PPM1H: variants seen among roughly 807,000 people sequenced by gnomAD.
PPM1H encodes the protein protein phosphatase, Mg2+/Mn2+ dependent 1H.
A neutral mutation model predicts 54.9 loss-of-function variants in PPM1H; 27 were observed. That is an observed-to-expected ratio of 0.49 (90% CI 0.36 to 0.68). PPM1H has a LOEUF of 0.68. PPM1H is among the 30% of genes least tolerant of loss of function. The pLI, the probability that PPM1H is intolerant of heterozygous loss-of-function variation, is 0.00. For synonymous variants in PPM1H, 305 were observed against 270.8 expected (o/e 1.13, Z -1.24); for missense variants, 596 against 667.8 (o/e 0.89, Z 1.19).
intron 1 of PPM1H, among the ~76,000 whole-genome samples, chr12:62,886,262 C>G (rs767756469): frequency 3.9e-5 from 6 of 152,188 alleles, no homozygotes; most frequent in Non-Finnish European, 8.8e-5. Flanking sequence ...CACACACAGT[C>G]TCTATATAAC....
chr12:62,675,129 A>G (rs939284216), intron 8 of PPM1H, among the ~76,000 whole-genome samples: 2 of 152,250 alleles, frequency 1.3e-5, no homozygotes, highest in Non-Finnish European at 2.9e-5. Context: ...GTATAAATTT[A>G]TACTTGAAAT....
At chr12:62,811,777 C>A (rs1185841555) in intron 2 of PPM1H, among the ~76,000 whole-genome samples, 1 of 152,184 alleles carries the variant, frequency 6.6e-6, no homozygotes, top group Non-Finnish European at 1.5e-5. Context: ...TCCCCTTCCA[C>A]CGTGATTGTA....
intron 4 of PPM1H, chr12:62,756,288 C>A: frequency 3.2e-6 from 2 of 626,212 alleles, no homozygotes; most frequent in South Asian, 1.5e-5. Flanking sequence ...GAGGCCCTCA[C>A]TGCTGGGAAG....
At chr12:62,687,841 T>C (rs972266545) in intron 8 of PPM1H, among the ~76,000 whole-genome samples, 3 of 151,758 alleles carry the variant, frequency 2.0e-5, no homozygotes, top group Non-Finnish European at 4.4e-5. Flanking sequence ...AAACCCTGTC[T>C]CCACTAAAAA....
chr12:62,677,771 T>C (rs73127919), intron 8 of PPM1H, among the ~76,000 whole-genome samples: 5,948 of 152,236 alleles, frequency 0.039, 209 homozygotes, highest in Non-Finnish European at 0.056. Context: ...CCAGCCACAG[T>C]GGTTTCCGGC....
chr12:62,717,971 C>G (rs1336547928), intron 6 of PPM1H, among the ~76,000 whole-genome samples: 1 of 152,226 alleles, frequency 6.6e-6, no homozygotes, highest in Non-Finnish European at 1.5e-5. Flanking sequence ...GTTTTGACTA[C>G]TTTAGATCTA....
intron 1 of PPM1H, among the ~76,000 whole-genome samples, chr12:62,838,338 T>TGTA (rs375217752): frequency 1.1e-5 from 1 of 93,282 alleles, no homozygotes; most frequent in Non-Finnish European, 2.1e-5. Flanking sequence ...TGTGTGTGTG[T>TGTA]GGGGGGGGGG....
At chr12:62,737,673 G>A in intron 4 of PPM1H, 87 bp from the exon 5 acceptor site, 1 of 893,616 alleles carries the variant, frequency 1.1e-6, no homozygotes, top group Non-Finnish European at 1.7e-6. Context: ...GGTCACACAT[G>A]AAATGCCAAG....
intron 4 of PPM1H, among the ~76,000 whole-genome samples, chr12:62,751,143 A>G (rs1163010699): frequency 6.6e-6 from 1 of 152,200 alleles, no homozygotes; most frequent in Non-Finnish European, 1.5e-5. Flanking sequence ...ACTGTTGACT[A>G]CAATGGCTCA....
At chr12:62,909,025 T>A (rs568919451) in intron 1 of PPM1H, among the ~76,000 whole-genome samples, 6 of 151,180 alleles carry the variant, frequency 4.0e-5, no homozygotes, top group Admixed American at 1.3e-4. Flanking sequence ...CCCCACCCTA[T>A]CCCCTGGGCT....
intron 6 of PPM1H, among the ~76,000 whole-genome samples, chr12:62,695,822 G>A (rs1289221300): frequency 1.3e-5 from 2 of 152,124 alleles, no homozygotes; most frequent in Non-Finnish European, 2.9e-5. Context: ...ATGGCTCAAG[G>A]GAGAGGAGGA....
Position 62,693,938 on chromosome 12 carries a change from T to G in PPM1H, c.1135A>C (p.Lys379Gln). The G allele has an allele frequency of 6.2e-7, 1 of 1,612,344 alleles. No individual in the cohort carries two copies. Among genetic ancestry groups the G allele is most frequent in the Non-Finnish European group, 8.5e-7 (1 of 1,179,300 alleles). Reference protein sequence around the residue: ...KFPLIYGEGKKARVMATIGVT... With the variant: ...KFPLIYGEGKQARVMATIGVT... ...CCAGGGGAAGCACACGTGCCTACCT[T>G]CTTGCCTTCTCCATATATAAGGGGG... The change falls in exon 7 of 10, where the codon AAG becomes CAG. Residue 379 changes from lysine (K) to glutamine (Q), a missense_variant and splice_region_variant. Lys to Gln is a moderately conservative substitution (Grantham distance 53). Around this residue, in one of 3 missense-constraint regions of PPM1H, gnomAD observed 208 missense variants for 259.5 expected, o/e 0.80. Coordinates refer to ENST00000228705, the MANE Select transcript of PPM1H (RefSeq NM_020700.2).
At chr12:62,697,189 C>T (rs1010472270) in intron 6 of PPM1H, among the ~76,000 whole-genome samples, 3 of 149,854 alleles carry the variant, frequency 2.0e-5, no homozygotes, top group East Asian at 2.0e-4. Context: ...TACAATGGTG[C>T]GATCTCGGCT....
intron 2 of PPM1H, among the ~76,000 whole-genome samples, chr12:62,819,191 G>A (rs55969601): frequency 0.012 from 1,768 of 145,582 alleles, 14 homozygotes; most frequent in Non-Finnish European, 0.018. Flanking sequence ...GTGCAGTGGC[G>A]TGATCTCAGC....
At chr12:62,804,291 C>T (rs1255714230) in intron 2 of PPM1H, among the ~76,000 whole-genome samples, 1 of 150,406 alleles carries the variant, frequency 6.6e-6, no homozygotes, top group African/African-American at 2.5e-5. Context: ...GAGAAGGAGG[C>T]TGCAACAGGC....
At chr12:62,840,815 A>G (rs1395375685) in intron 1 of PPM1H, among the ~76,000 whole-genome samples, 2 of 152,240 alleles carry the variant, frequency 1.3e-5, no homozygotes, top group Non-Finnish European at 2.9e-5. Context: ...TGTTTAAACT[A>G]GGGACTGATA....
intron 4 of PPM1H, among the ~76,000 whole-genome samples, chr12:62,774,018 C>A (rs75224811): frequency 6.6e-6 from 1 of 152,056 alleles, no homozygotes; most frequent in East Asian, 1.9e-4. Context: ...GACCAGCATT[C>A]CCCCCCAAAC....
At chr12:62,832,054 T>G in intron 2 of PPM1H, 60 bp downstream of exon 2, 1 of 1,566,114 alleles carries the variant, frequency 6.4e-7, no homozygotes, top group Non-Finnish European at 8.8e-7. Flanking sequence ...TGTCTTCCAG[T>G]GGGACCAAAG....
At chr12:62,756,212 C>T in intron 4 of PPM1H, 1 of 834,592 alleles carries the variant, frequency 1.2e-6, no homozygotes, top group South Asian at 1.3e-5. Context: ...ACCTCATGGC[C>T]CACATGACTT....
Sources: allele counts gnomAD v4.1 joint callset (sites outside exome capture counted in the v4.1 genomes callset), GRCh38; gene constraint gnomAD v4.1.1; regional missense constraint gnomAD v4.1.1; transcripts MANE v1.5; gene names NCBI Gene and HGNC (gene_info 2026-07-23, HGNC 2026-07-21).